TTL: variants seen among roughly 807,000 people sequenced by gnomAD.
TTL encodes tubulin--tyrosine ligase.
Under a neutral mutation model 41.1 loss-of-function variants are expected in TTL, and 10 were observed. The ratio of observed to expected loss-of-function variants is 0.24; its 90% CI spans 0.15 to 0.41. The LOEUF (loss-of-function observed/expected upper bound fraction) is 0.41, where lower values mean the gene tolerates loss of function less well. Ranked by LOEUF, TTL falls within the 10% of genes least tolerant of loss-of-function variation. The pLI, the probability that TTL is intolerant of heterozygous loss-of-function variation, is 1.00. For missense variants in TTL, 367 were observed against 460.4 expected, an observed-to-expected ratio of 0.80 and a Z score of 1.86; for synonymous variants, 175 against 175.5, an observed-to-expected ratio of 1.00 and a Z score of 0.02.
intron 3 of TTL, among the ~76,000 whole-genome samples, chr2:112,494,993 G>A (rs1278512994): frequency 2.0e-5 from 3 of 152,146 alleles, no homozygotes; most frequent in Admixed American, 6.6e-5. Context: ...CTTACCAGCT[G>A]GCTTCCTAAT....
intron 1 of TTL, among the ~76,000 whole-genome samples, chr2:112,484,781 C>G (rs574246674): frequency 2.8e-4 from 42 of 152,188 alleles, no homozygotes; most frequent in African/African-American, 9.4e-4. Flanking sequence ...TCAGGGAGAC[C>G]AGTGAGAGCC....
Position 112,482,310 on chromosome 2 carries a change from G to A in TTL, c.-35G>A, listed in dbSNP as rs1574049641. Reference sequence around the variant, plus strand: ...TTCTCGGCCGCCTGGTCCCTGCGGCGGCTGCCCGGCGGCCCGGGCGCGCGG... The same window carrying A: ...TTCTCGGCCGCCTGGTCCCTGCGGCAGCTGCCCGGCGGCCCGGGCGCGCGG... On this transcript the variant is annotated 5_prime_UTR_variant, in exon 1 of 7. Transcript: ENST00000233336. The surrounding 1 kb of genome is among the most constrained non-coding windows in gnomAD (Gnocchi z 5.3). 6.9e-7 allele frequency: 1 copy of A among 1,440,496 alleles called. No individual in the cohort carries two copies. The highest frequency in any genetic ancestry group is 1.3e-5 in the South Asian group (1 of 78,650). 89.2% of individuals were successfully genotyped at this position (1,440,496 alleles called of 1,614,324 possible).
chr2:112,494,488 T>C, intron 3 of TTL, 113 bp downstream of exon 3: 1 of 807,432 alleles, frequency 1.2e-6, no homozygotes, highest in Non-Finnish European at 2.0e-6. Flanking sequence ...CCGTGTCTAG[T>C]TACATAGTTA....
At chr2:112,489,791 C>A (rs1309543183) in intron 2 of TTL, among the ~76,000 whole-genome samples, 1 of 152,078 alleles carries the variant, frequency 6.6e-6, no homozygotes, top group African/African-American at 2.4e-5. Flanking sequence ...TTCCTTGGAG[C>A]TTTAAATTTA....
At chr2:112,520,251 T>C (rs1682184483) in intron 5 of TTL, 31 bp from the exon 6 acceptor site, 1 of 1,612,346 alleles carries the variant, frequency 6.2e-7, no homozygotes, top group African/African-American at 1.3e-5. Flanking sequence ...ACCACCCCGT[T>C]CTAATGAGCA....
intron 5 of TTL, among the ~76,000 whole-genome samples, chr2:112,518,735 CA>C (rs1342498389): frequency 2.0e-5 from 3 of 149,184 alleles, no homozygotes; most frequent in Non-Finnish European, 4.4e-5. Flanking sequence ...AGTGAAGTGG[CA>C]CAGTCTTAGC....
At chr2:112,497,107 A>G (rs1681555361) in intron 3 of TTL, among the ~76,000 whole-genome samples, 1 of 151,804 alleles carries the variant, frequency 6.6e-6, no homozygotes, top group Admixed American at 6.6e-5. Context: ...GGCGTGAGCC[A>G]CCGTGCCCGG....
chr2:112,483,015 G>A (rs1331686072), intron 1 of TTL: 5 of 152,606 alleles, frequency 3.3e-5, no homozygotes, highest in African/African-American at 1.2e-4. Flanking sequence ...GCGATCAGAG[G>A]ATTTGGAAAA....
In TTL at chr2:112,494,304, C is replaced by T. The variant is rs1193091353; in HGVS notation, c.398C>T (p.Ala133Val). 1.9e-6 allele frequency: 3 copies of T among 1,614,150 alleles called. No individual in the cohort carries two copies. Among genetic ancestry groups the T allele is most frequent in the East Asian group, 4.5e-5 (2 of 44,888 alleles). The change falls in exon 3 of 7, where the codon GCC becomes GTC. Residue 133 changes from alanine (A) to valine (V), a missense_variant. Transcript: ENST00000233336. ...SRTDEREFFL[A>V]SYNRKKEDGE... ...ACAGATGAAAGAGAATTCTTTCTCGCCTCTTATAACAGAAAGAAAGAGGAT... is the reference window on the plus strand; with the variant it reads ...ACAGATGAAAGAGAATTCTTTCTCGTCTCTTATAACAGAAAGAAAGAGGAT...
At chr2:112,487,091 CCA>C (rs1330610341) in intron 2 of TTL, among the ~76,000 whole-genome samples, 2 of 152,184 alleles carry the variant, frequency 1.3e-5, no homozygotes. Context: ...AGTATTCTTT[CCA>C]TGATGACTGG....
Position 112,529,106 on chromosome 2 carries a change from G to A in TTL, c.*311G>A. The A allele has an allele frequency of 9.1e-6, 4 of 441,652 alleles. No homozygotes were observed. The South Asian group carries it at 1.1e-4, about 12-fold the overall frequency. The allele number at this position is 441,652 out of a possible 1,614,324, so 27.4% of individuals were successfully genotyped here. A position where few individuals can be genotyped will look rare whatever the true frequency, so the allele number is the denominator to read the frequency against. On this transcript the variant is annotated 3_prime_UTR_variant, in exon 7 of 7. Transcript: ENST00000233336. ...GGCAGGGCACTGGGACCTCTGGTCGGTGCCTCCCACCCACTGCAGCCCTAG... is the reference window on the plus strand; with the variant it reads ...GGCAGGGCACTGGGACCTCTGGTCGATGCCTCCCACCCACTGCAGCCCTAG...
chr2:112,526,846 C>T (rs1682386515), intron 6 of TTL, among the ~76,000 whole-genome samples: 1 of 152,092 alleles, frequency 6.6e-6, no homozygotes, highest in East Asian at 1.9e-4. Flanking sequence ...AATGTGTTTG[C>T]TCTTGCTTCT....
rs776529553 is a variant in TTL, at chr2:112,486,046, G to A, written c.236+51G>A. 1.6e-5 allele frequency: 25 copies of A among 1,561,898 alleles called. No homozygotes were observed. In the South Asian group the frequency reaches 2.7e-4, roughly 17 times the overall value. On this transcript the variant is annotated intron_variant, in intron 2 of 6. Transcript: ENST00000233336. ...ATTTTTTACCTAAATGAAGCACTTA[G>A]GCAAAAATGTGGGGTTGTTTAAAGG...
intron 6 of TTL, among the ~76,000 whole-genome samples, chr2:112,524,172 A>G (rs1682317291): frequency 6.6e-6 from 1 of 152,024 alleles, no homozygotes; most frequent in African/African-American, 2.4e-5. Context: ...TATGTGCCAC[A>G]TTTTCTTAAT....
intron 5 of TTL, among the ~76,000 whole-genome samples, chr2:112,511,982 CATTCTATTCT>C (rs3057723): frequency 1.3e-5 from 2 of 151,070 alleles, no homozygotes; most frequent in Non-Finnish European, 3.0e-5. Context: ...CTTTTATTTT[CATTCTATTCT>C]ATTCTATTCT....
rs1468288052 is a variant in TTL at position 112,540,456 on chromosome 2, G to T, written c.*11661G>T. On this transcript the variant is annotated 3_prime_UTR_variant, in exon 7 of 7. Coordinates refer to ENST00000233336, the MANE Select transcript of TTL (RefSeq NM_153712.5). Reference sequence around the variant, plus strand: ...AACAAAAAAAAAAAAAAAAGAGAAAGAAATTGACAAGCTAAGCTGACGCTA... The same window carrying T: ...AACAAAAAAAAAAAAAAAAGAGAAATAAATTGACAAGCTAAGCTGACGCTA... 6.7e-6 allele frequency: 1 copy of T among 148,486 alleles called. No individual in the cohort carries two copies. The highest frequency in any genetic ancestry group is 2.5e-5 in the African/African-American group (1 of 39,896). The allele number at this position is 148,486 out of a possible 1,614,324, so 9.2% of individuals were successfully genotyped here.
chr2:112,514,848 C>T (rs1574067587), intron 5 of TTL, among the ~76,000 whole-genome samples: 1 of 152,122 alleles, frequency 6.6e-6, no homozygotes, highest in East Asian at 1.9e-4. Flanking sequence ...ATTGTTAATG[C>T]TTTTCACTGT....
At position 112,537,095 on chromosome 2, in the gene TTL, T is replaced by C. The variant is rs1682613216; in HGVS notation, c.*8300T>C. 6.5e-6 allele frequency: 1 copy of C among 152,770 alleles called. No individual in the cohort carries two copies. Among genetic ancestry groups the C allele is most frequent in the African/African-American group, 2.4e-5 (1 of 41,476 alleles). 9.5% of individuals were successfully genotyped at this position (152,770 alleles called of 1,614,324 possible). A position where few individuals can be genotyped will look rare whatever the true frequency, so the allele number is the denominator to read the frequency against. On this transcript the variant is annotated 3_prime_UTR_variant, in exon 7 of 7. Coordinates refer to ENST00000233336, the MANE Select transcript of TTL (RefSeq NM_153712.5). ...GCTCTGTTTTTGTTTGTTTGTTTGT[T>C]TGTTTGGTGGAGTCTCTCTCTGTCA...
intron 2 of TTL, among the ~76,000 whole-genome samples, chr2:112,492,140 C>T (rs748632986): frequency 2.0e-5 from 3 of 152,120 alleles, no homozygotes; most frequent in African/African-American, 4.8e-5. Flanking sequence ...AATAGAATAG[C>T]GATGTGTTTG....
Sources: gnomAD v4.1 joint callset for allele counts (sites outside exome capture counted in the v4.1 genomes callset) on GRCh38, gnomAD v4.1.1 for gene constraint, Gnocchi (gnomAD v3.1) non-coding constraint, MANE v1.5 for transcripts, NCBI Gene and HGNC (gene_info 2026-07-23, HGNC 2026-07-21) for gene names.